TNS3: variants seen among roughly 807,000 people sequenced by gnomAD.
The protein encoded by TNS3 is tensin-3.
A neutral mutation model predicts 140.9 loss-of-function variants in TNS3; 45 were observed. The observed-to-expected ratio is 0.32, with a 90% CI of 0.25 to 0.41. TNS3 has a LOEUF of 0.41. Ranked by LOEUF, TNS3 falls within the 10% of genes least tolerant of loss-of-function variation. TNS3 has a pLI of 1.00. For missense variants in TNS3, 1,716 were observed against 1,906.7 expected, an observed-to-expected ratio of 0.90 and a Z score of 1.86; for synonymous variants, 815 against 788.4, an observed-to-expected ratio of 1.03 and a Z score of -0.56.
chr7:47,504,789 G>A (rs1268917902), intron 3 of TNS3, among the ~76,000 whole-genome samples: 4 of 152,170 alleles, frequency 2.6e-5, no homozygotes, highest in Non-Finnish European at 5.9e-5. Flanking sequence ...TTTGGAATGA[G>A]AAGGTGCTTT....
intron 10 of TNS3, among the ~76,000 whole-genome samples, chr7:47,420,875 C>G (rs533979704): frequency 9.9e-5 from 15 of 152,202 alleles, no homozygotes; most frequent in Non-Finnish European, 5.9e-5. Flanking sequence ...GCTGGTAACT[C>G]GGATACCTTC....
intron 20 of TNS3, among the ~76,000 whole-genome samples, chr7:47,308,910 C>T (rs986587181): frequency 3.3e-5 from 5 of 152,190 alleles, no homozygotes; most frequent in African/African-American, 9.6e-5. Context: ...ATACGTATGG[C>T]GGATCCTCTG....
intron 2 of TNS3, among the ~76,000 whole-genome samples, chr7:47,516,646 C>A (rs1798786880): frequency 6.6e-6 from 1 of 151,986 alleles, no homozygotes; most frequent in African/African-American, 2.4e-5. Context: ...TGCTAATGCC[C>A]CATCTACACA....
intron 1 of TNS3, among the ~76,000 whole-genome samples, chr7:47,555,834 T>G (rs1378911502): frequency 1.3e-5 from 2 of 152,286 alleles, no homozygotes; most frequent in African/African-American, 2.4e-5. Flanking sequence ...AACTTTTATA[T>G]GCACTGGGAA....
intron 4 of TNS3, among the ~76,000 whole-genome samples, chr7:47,444,934 C>A (rs1306941275): frequency 6.6e-6 from 1 of 152,154 alleles, no homozygotes; most frequent in Non-Finnish European, 1.5e-5. Context: ...TTGAATTGCA[C>A]AAAGTTGCTT....
At chr7:47,316,149 T>C (rs1211652454) in intron 20 of TNS3, among the ~76,000 whole-genome samples, 1 of 143,464 alleles carries the variant, frequency 7.0e-6, no homozygotes, top group Non-Finnish European at 1.5e-5. Context: ...TCTCTCTCCA[T>C]TCTTTCCTCC....
At chr7:47,335,549 A>G (rs1180419551) in intron 20 of TNS3, among the ~76,000 whole-genome samples, 1 of 152,228 alleles carries the variant, frequency 6.6e-6, no homozygotes, top group African/African-American at 2.4e-5. Flanking sequence ...CTCTGGGAAA[A>G]GCAGGATTCC....
At chr7:47,395,252 T>A (rs1792761643) in intron 16 of TNS3, among the ~76,000 whole-genome samples, 1 of 152,166 alleles carries the variant, frequency 6.6e-6, no homozygotes. Context: ...GCAAGGGACC[T>A]CTCTGGTAAA....
At chr7:47,467,603 G>A (rs1404458123) in intron 4 of TNS3, among the ~76,000 whole-genome samples, 3 of 152,064 alleles carry the variant, frequency 2.0e-5, no homozygotes, top group Non-Finnish European at 4.4e-5. Flanking sequence ...CCAGACTTGG[G>A]TCCCCAGCAA....
intron 4 of TNS3, among the ~76,000 whole-genome samples, chr7:47,446,893 G>A (rs965087047): frequency 1.1e-4 from 17 of 150,678 alleles, no homozygotes; most frequent in Admixed American, 6.6e-5. Flanking sequence ...TGGGGGTCTC[G>A]CCATGTTGTC....
At chr7:47,302,606 C>T (rs1173860682) in intron 22 of TNS3, among the ~76,000 whole-genome samples, 2 of 152,182 alleles carry the variant, frequency 1.3e-5, no homozygotes, top group East Asian at 1.9e-4. Flanking sequence ...TTCATAATGA[C>T]GTTTTGGATG....
intron 16 of TNS3, among the ~76,000 whole-genome samples, chr7:47,380,759 T>C (rs956130138): frequency 6.7e-6 from 1 of 150,140 alleles, no homozygotes; most frequent in Non-Finnish European, 1.5e-5. Context: ...CATACACATA[T>C]GCACGCGCGC....
At chr7:47,451,758 G>A (rs1654581997) in intron 4 of TNS3, among the ~76,000 whole-genome samples, 1 of 152,212 alleles carries the variant, frequency 6.6e-6, no homozygotes, top group Non-Finnish European at 1.5e-5. Flanking sequence ...GTTTCACCAA[G>A]CAAATGGAGA....
chr7:47,289,212 T>C (rs1303095313), intron 27 of TNS3, among the ~76,000 whole-genome samples: 1 of 152,232 alleles, frequency 6.6e-6, no homozygotes, highest in African/African-American at 2.4e-5. Flanking sequence ...TACACCTTCA[T>C]TGTGGAGTTA....
chr7:47,570,938 T>C (rs988364494), intron 1 of TNS3, among the ~76,000 whole-genome samples: 26 of 152,158 alleles, frequency 1.7e-4, no homozygotes, highest in Admixed American at 1.4e-3. Context: ...TGTGAGCAGA[T>C]GAAGGCCATG....
intron 17 of TNS3, among the ~76,000 whole-genome samples, chr7:47,351,533 G>A (rs941719746): frequency 4.6e-5 from 7 of 152,096 alleles, no homozygotes; most frequent in African/African-American, 1.4e-4. Flanking sequence ...CAACTTGAAC[G>A]TGAGACTCCA....
At chr7:47,428,795 T>C (rs980613546) in intron 8 of TNS3, among the ~76,000 whole-genome samples, 1 of 152,216 alleles carries the variant, frequency 6.6e-6, no homozygotes, top group South Asian at 2.1e-4. Context: ...CAGCTCAGCA[T>C]GATGGGACAT....
chr7:47,543,651 C>CT (rs1256834646), intron 1 of TNS3, among the ~76,000 whole-genome samples: 4 of 85,736 alleles, frequency 4.7e-5, no homozygotes, highest in Non-Finnish European at 9.6e-5. Flanking sequence ...TTACACAACA[C>CT]TGTTTCTCAT....
At chr7:47,329,442 C>T (rs900440030) in intron 20 of TNS3, among the ~76,000 whole-genome samples, 11 of 152,156 alleles carry the variant, frequency 7.2e-5, no homozygotes, top group Non-Finnish European at 1.5e-4. Context: ...AGCCCCTGCA[C>T]GACCCTGGCA....
Sources: gnomAD v4.1 joint callset for allele counts (sites outside exome capture counted in the v4.1 genomes callset) on GRCh38, gnomAD v4.1.1 for gene constraint, MANE v1.5 for transcripts, NCBI Gene and HGNC (gene_info 2026-07-23, HGNC 2026-07-21) for gene names.